The following FSTL5 variants were observed in gnomAD, a reference collection of about 807,000 sequenced individuals.
The protein encoded by FSTL5 is follistatin like 5.
FSTL5 carries 62 observed loss-of-function variants against 89.1 expected under a neutral mutation model. That is an observed-to-expected ratio of 0.70 (90% CI 0.57 to 0.86). FSTL5 has a LOEUF of 0.86. Among genes scored for constraint, FSTL5 ranks in the 40% least tolerant of loss-of-function variants. FSTL5 has a pLI of 0.00. For synonymous variants in FSTL5, 383 were observed against 346.2 expected (o/e 1.11, Z -1.18); for missense variants, 1,057 against 1,001.6 (o/e 1.06, Z -0.75).
intron 7 of FSTL5, among the ~76,000 whole-genome samples, chr4:161,622,039 T>C (rs1313931316): frequency 6.6e-6 from 1 of 151,814 alleles, no homozygotes; most frequent in Non-Finnish European, 1.5e-5. Context: ...AGTATTAGAA[T>C]TGAGATAGGT....
intron 4 of FSTL5, among the ~76,000 whole-genome samples, chr4:161,840,694 T>C (rs1391710710): frequency 1.3e-5 from 2 of 152,188 alleles, no homozygotes; most frequent in African/African-American, 4.8e-5. Flanking sequence ...AAACCAAATG[T>C]TGTAAATTTC....
intron 2 of FSTL5, among the ~76,000 whole-genome samples, chr4:162,089,835 T>C (rs920260091): frequency 1.3e-5 from 2 of 152,108 alleles, no homozygotes; most frequent in African/African-American, 4.8e-5. Context: ...TTTATAAAAT[T>C]ACATTTCATT....
intron 3 of FSTL5, among the ~76,000 whole-genome samples, chr4:162,017,308 T>C (rs1181105053): frequency 6.6e-6 from 1 of 152,172 alleles, no homozygotes; most frequent in Non-Finnish European, 1.5e-5. Flanking sequence ...CATCTCTACC[T>C]AAGTTGTTTT....
intron 4 of FSTL5, among the ~76,000 whole-genome samples, chr4:161,801,548 A>G (rs1412958380): frequency 6.6e-6 from 1 of 151,526 alleles, no homozygotes; most frequent in Non-Finnish European, 1.5e-5. Flanking sequence ...CCTCTTTTTC[A>G]GGAATTCTAT....
intron 4 of FSTL5, among the ~76,000 whole-genome samples, chr4:161,844,336 G>T (rs1021096472): frequency 1.3e-5 from 2 of 152,140 alleles, no homozygotes; most frequent in Non-Finnish European, 2.9e-5. Context: ...TTGTTGATGG[G>T]AATGTAAATT....
At chr4:161,960,854 A>G (rs1735155833) in intron 3 of FSTL5, among the ~76,000 whole-genome samples, 1 of 152,066 alleles carries the variant, frequency 6.6e-6, no homozygotes. Context: ...AGAAATAGGA[A>G]AAATAAACTA....
At chr4:161,474,844 C>T (rs1734075637) in intron 13 of FSTL5, among the ~76,000 whole-genome samples, 1 of 152,088 alleles carries the variant, frequency 6.6e-6, no homozygotes, top group Non-Finnish European at 1.5e-5. Flanking sequence ...TGTGCTCGGC[C>T]TGTGTAGTGT....
chr4:161,491,105 T>C (rs190905408), intron 12 of FSTL5, among the ~76,000 whole-genome samples: 1 of 151,864 alleles, frequency 6.6e-6, no homozygotes, highest in Non-Finnish European at 1.5e-5. Context: ...ATCTGGGCTC[T>C]TTTTTACTAA....
chr4:162,090,345 A>G (rs754812187), intron 2 of FSTL5, among the ~76,000 whole-genome samples: 1 of 152,194 alleles, frequency 6.6e-6, no homozygotes, highest in African/African-American at 2.4e-5. Flanking sequence ...CAAACTATGC[A>G]TCTGACAAAG....
At chr4:161,515,779 T>C (rs1352066507) in intron 10 of FSTL5, among the ~76,000 whole-genome samples, 1 of 151,614 alleles carries the variant, frequency 6.6e-6, no homozygotes, top group South Asian at 2.1e-4. Flanking sequence ...ATAAATATCA[T>C]TGGCCTTTAT....
At chr4:161,621,707 A>G (rs1735131280) in intron 7 of FSTL5, among the ~76,000 whole-genome samples, 1 of 151,936 alleles carries the variant, frequency 6.6e-6, no homozygotes, top group Admixed American at 6.6e-5. Flanking sequence ...GCCAGGCGCA[A>G]TGGCTCACAG....
intron 4 of FSTL5, among the ~76,000 whole-genome samples, chr4:161,808,813 A>T (rs1183005329): frequency 6.6e-6 from 1 of 152,194 alleles, no homozygotes; most frequent in African/African-American, 2.4e-5. Context: ...AACGAAATTA[A>T]ATCACTTGAT....
chr4:161,588,910 C>T (rs777790356), intron 7 of FSTL5, among the ~76,000 whole-genome samples: 2 of 151,844 alleles, frequency 1.3e-5, no homozygotes, highest in Admixed American at 6.6e-5. Flanking sequence ...AGCAGCTCCT[C>T]GAGAACATAC....
intron 4 of FSTL5, among the ~76,000 whole-genome samples, chr4:161,784,937 C>A (rs1208877160): frequency 6.8e-6 from 1 of 146,902 alleles, no homozygotes; most frequent in African/African-American, 2.5e-5. Context: ...GATATGCTAT[C>A]CACATCTATG....
At chr4:161,396,009 T>C (rs956770386) in intron 15 of FSTL5, among the ~76,000 whole-genome samples, 8 of 152,070 alleles carry the variant, frequency 5.3e-5, no homozygotes, top group Admixed American at 3.3e-4. Context: ...GACTTGTTTA[T>C]GCCCATGGGA....
At chr4:161,642,786 G>A (rs959712971) in intron 7 of FSTL5, among the ~76,000 whole-genome samples, 1 of 120,006 alleles carries the variant, frequency 8.3e-6, no homozygotes, top group East Asian at 2.8e-4. Context: ...TGGTTCCCAG[G>A]AGTGGAGAGG....
chr4:162,090,211 ACAAT>A (rs1476351383), intron 2 of FSTL5, among the ~76,000 whole-genome samples: 1 of 152,152 alleles, frequency 6.6e-6, no homozygotes, highest in Non-Finnish European at 1.5e-5. Flanking sequence ...GATACCAAAA[ACAAT>A]CAGAACAAAA....
intron 7 of FSTL5, among the ~76,000 whole-genome samples, chr4:161,646,961 C>T (rs752889610): frequency 2.0e-5 from 3 of 152,112 alleles, no homozygotes; most frequent in Non-Finnish European, 4.4e-5. Flanking sequence ...TGCCTCCCCA[C>T]TTTTTGATTG....
chr4:161,676,182 A>G (rs1172065015), intron 6 of FSTL5, among the ~76,000 whole-genome samples: 8 of 152,146 alleles, frequency 5.3e-5, no homozygotes. Context: ...AATATGATTA[A>G]ACTACCAAAC....
Sources: gnomAD v4.1 joint callset for allele counts (sites outside exome capture counted in the v4.1 genomes callset) on GRCh38, gnomAD v4.1.1 for gene constraint, MANE v1.5 for transcripts, NCBI Gene and HGNC (gene_info 2026-07-23, HGNC 2026-07-21) for gene names.